Variants in NAA20 observed in about 807,000 individuals in gnomAD.
NAA20 encodes N-alpha-acetyltransferase 20, NatB catalytic subunit.
NAA20 carries 24 observed loss-of-function variants against 23.8 expected under a neutral mutation model. The observed-to-expected ratio is 1.01, with a 90% CI of 0.73 to 1.42. NAA20 has a LOEUF of 1.42. Ranked by LOEUF, NAA20 falls within the 40% of genes most tolerant of loss-of-function variation. NAA20 has a pLI of 0.00. For synonymous variants in NAA20, 83 were observed against 77.7 expected (o/e 1.07, Z -0.36); for missense variants, 166 against 223.1 (o/e 0.74, Z 1.63).
At chr20:20,027,013 C>A in intron 4 of NAA20, 94 bp downstream of exon 4, 2 of 1,473,316 alleles carry the variant, frequency 1.4e-6, no homozygotes, top group Admixed American at 1.8e-5. Flanking sequence ...CTTTACAGTT[C>A]ACAGGAATTT....
intron 4 of NAA20, among the ~76,000 whole-genome samples, chr20:20,029,631 A>AG (rs1321523836): frequency 6.6e-6 from 1 of 151,876 alleles, no homozygotes; most frequent in Non-Finnish European, 1.5e-5. Context: ...AAAAAAAAAA[A>AG]AATAGCGATT....
At chr20:20,023,035 C>G (rs1216643650) in intron 2 of NAA20, among the ~76,000 whole-genome samples, 3 of 152,148 alleles carry the variant, frequency 2.0e-5, no homozygotes, top group Non-Finnish European at 4.4e-5. Context: ...CCTGTACTCC[C>G]AGCACTTTGG....
rs144371833 is a variant in NAA20 at position 20,029,881 on chromosome 20, T to TTTTTGTTTTG, written c.306-2607_306-2598dup. 3.6e-3 allele frequency among the ~76,000 whole-genome samples: 548 copies of TTTTTGTTTTG among 151,950 alleles called. 3 individuals are homozygous for TTTTTGTTTTG. The highest frequency in any genetic ancestry group is 0.012 in the African/African-American group (503 of 41,404). ...CCACCTAAAGTCTTGGTTACATAGT[T>TTTTTGTTTTG]TTTTGTTTTGTTTTGTTTTGTTTTG... On this transcript the variant is annotated intron_variant, in intron 4 of 5. Coordinates refer to ENST00000334982, the MANE Select transcript of NAA20 (RefSeq NM_016100.5).
intron 4 of NAA20, among the ~76,000 whole-genome samples, 162 bp downstream of exon 4, chr20:20,027,081 G>T (rs1366525806): frequency 6.6e-6 from 1 of 152,148 alleles, no homozygotes; most frequent in Non-Finnish European, 1.5e-5. Flanking sequence ...AAGTGATATT[G>T]TTTCTATTTT....
chr20:20,018,219 T>A lies in NAA20; in HGVS notation c.53+770T>A, dbSNP rs201866599. ...TTTGCAGGTACCAATTTTTTTTTTT[T>A]AAGAAAACATTTTATTATGAAGATT... is the stretch of plus-strand genomic sequence containing the variant. On this transcript the variant is annotated intron_variant, in intron 1 of 5. Coordinates refer to ENST00000334982, the MANE Select transcript of NAA20 (RefSeq NM_016100.5). 77 of 672,238 alleles carry A rather than the reference T, an allele frequency of 1.1e-4. No individual in the cohort carries two copies. The African/African-American group carries it at 1.4e-3, about 12-fold the overall frequency. The allele number at this position is 672,238 out of a possible 1,614,324, so 41.6% of individuals were successfully genotyped here.
rs145753672 is a variant in NAA20, at chr20:20,028,294, C to T, written c.305+1375C>T. 1.6e-3 allele frequency among the ~76,000 whole-genome samples: 249 copies of T among 152,070 alleles called. 5 individuals are homozygous for T. The East Asian group carries it at 0.043, about 26-fold the overall frequency. ...TAGAAAGTGGGTTGTTCAATGAGAA[C>T]ACATGGACACAGGGAGGGGAACATC... On this transcript the variant is annotated intron_variant, in intron 4 of 5. Transcript: ENST00000334982.
chr20:20,021,180 A>G (rs1385416802), intron 1 of NAA20, among the ~76,000 whole-genome samples: 1 of 152,102 alleles, frequency 6.6e-6, no homozygotes, highest in East Asian at 1.9e-4. Context: ...AGTCGTCGAA[A>G]GGTGTGGTGG....
chr20:20,022,723 A>C, intron 2 of NAA20: 1 of 416,524 alleles, frequency 2.4e-6, no homozygotes, highest in Non-Finnish European at 4.2e-6. Context: ...CTCCCCTGCC[A>C]ACCTTGCCCC....
intron 4 of NAA20, 28 bp from the exon 5 acceptor site, chr20:20,032,479 CA>C: frequency 1.2e-6 from 2 of 1,603,050 alleles, no homozygotes; most frequent in Non-Finnish European, 1.7e-6. Context: ...CACATTCTAA[CA>C]TTTTCCTTTT....
At chr20:20,022,219 A>G (rs2043273229) in intron 1 of NAA20, among the ~76,000 whole-genome samples, 1 of 152,248 alleles carries the variant, frequency 6.6e-6, no homozygotes, top group African/African-American at 2.4e-5. Flanking sequence ...TGAATTTTAA[A>G]GAAGCAAGTA....
chr20:20,017,735 C>T (rs1475663349), intron 1 of NAA20: 4 of 1,431,960 alleles, frequency 2.8e-6, no homozygotes, highest in South Asian at 1.5e-5. Flanking sequence ...GCTCGGGCCT[C>T]CGCTCGTGGT....
In NAA20 at chr20:20,033,163, T is replaced by G. The variant is rs760607690; in HGVS notation, c.513T>G (p.Pro171=). The G allele has an allele frequency of 6.2e-7, 1 of 1,613,250 alleles. No homozygotes were observed. Among genetic ancestry groups the G allele is most frequent in the Non-Finnish European group, 8.5e-7 (1 of 1,179,248 alleles). ...EKKSIIPLPH[P]VRPEDIE is the part of the protein sequence containing the mutation. ...AATCCATCATACCATTACCTCATCCTGTGAGGCCTGAAGACATTGAATAAC... is the reference window on the plus strand; with the variant it reads ...AATCCATCATACCATTACCTCATCCGGTGAGGCCTGAAGACATTGAATAAC... Residue 171 remains proline (P), a synonymous_variant, in exon 6 of 6, where the codon CCT becomes CCG. Transcript: ENST00000334982.
At chr20:20,019,888 C>T (rs2146459299) in intron 1 of NAA20, among the ~76,000 whole-genome samples, 1 of 152,290 alleles carries the variant, frequency 6.6e-6, no homozygotes, top group Non-Finnish European at 1.5e-5. Context: ...ACCTGGTTCC[C>T]ATTTTTTTGT....
At chr20:20,028,507 C>T (rs6046552) in intron 4 of NAA20, among the ~76,000 whole-genome samples, 2 of 152,000 alleles carry the variant, frequency 1.3e-5, no homozygotes, top group East Asian at 1.9e-4. Context: ...AAAAGCAGGT[C>T]GTAACTAGCT....
chr20:20,022,477 A>G lies in NAA20; in HGVS notation c.75A>G (p.Glu25=). 6.3e-7 allele frequency: 1 copy of G among 1,577,290 alleles called. No individual in the cohort carries two copies. The highest frequency in any genetic ancestry group is 8.6e-7 in the Non-Finnish European group (1 of 1,166,624). ...TCAGTAACTTGGATCCACTTACAGA[A>G]ACTGTATCCTTTTTTACAAAAAAAA... is the stretch of plus-strand genomic sequence containing the variant. ...FNNINLDPLT[E]TYGIPFYLQY... The change falls in exon 2 of 6, where the codon GAA becomes GAG. Residue 25 remains glutamate (E), a synonymous_variant. Transcript: ENST00000334982.
rs769792406 is a variant in NAA20, at chr20:20,018,078, C to G, written c.53+629C>G. On this transcript the variant is annotated intron_variant, in intron 1 of 5. Coordinates refer to ENST00000334982, the MANE Select transcript of NAA20 (RefSeq NM_016100.5). ...CAAGTTTAGTTACTGTAGCTGCGCA[C>G]CCCGGTGTACACACCTTTCCTCTGT... is the stretch of plus-strand genomic sequence containing the variant. The G allele has an allele frequency of 2.5e-5, 40 of 1,613,918 alleles. 1 individual carries two copies. The Admixed American group carries it at 6.5e-4, about 26-fold the overall frequency.
intron 4 of NAA20, 68 bp from the exon 5 acceptor site, chr20:20,032,440 A>T: frequency 1.3e-6 from 2 of 1,504,602 alleles, no homozygotes; most frequent in African/African-American, 1.5e-5. Context: ...TTTAAAAAAA[A>T]TATGTATCTA....
intron 3 of NAA20, 82 bp downstream of exon 3, chr20:20,025,849 T>C: frequency 1.1e-6 from 1 of 930,472 alleles, no homozygotes. Flanking sequence ...GACTGCAGAA[T>C]TGGAATATAA....
Position 20,033,145 on chromosome 20 carries a change from C to G in NAA20, c.495C>G (p.Ile165Met). 1 of 1,613,748 alleles carries G rather than the reference C, an allele frequency of 6.2e-7. No individual in the cohort carries two copies. Among genetic ancestry groups the G allele is most frequent in the Non-Finnish European group, 8.5e-7 (1 of 1,179,748 alleles). ...CCAGGGATACTGAGAAGAAATCCAT[C>G]ATACCATTACCTCATCCTGTGAGGC... ...ALSRDTEKKS[I>M]IPLPHPVRPE... Residue 165 changes from isoleucine to methionine, a missense_variant, in exon 6 of 6, where the codon ATC becomes ATG. Physicochemically the swap from Ile to Met is conservative, Grantham distance 10. Transcript: ENST00000334982.
Sources: gnomAD v4.1 joint callset for allele counts (sites outside exome capture counted in the v4.1 genomes callset) on GRCh38, gnomAD v4.1.1 for gene constraint, MANE v1.5 for transcripts, NCBI Gene and HGNC (gene_info 2026-07-23, HGNC 2026-07-21) for gene names.